Variants in KDM4C observed in about 807,000 individuals in gnomAD.
KDM4C encodes lysine-specific demethylase 4C.
A neutral mutation model predicts 129.3 loss-of-function variants in KDM4C; 81 were observed. The observed-to-expected ratio is 0.63, with a 90% confidence interval of 0.52 to 0.75. The LOEUF (loss-of-function observed/expected upper bound fraction) is 0.75. Among genes scored for constraint, KDM4C ranks in the 30% least tolerant of loss-of-function variants. The pLI, the probability that KDM4C is intolerant of heterozygous loss-of-function variation, is 0.00. For synonymous variants in KDM4C, 573 were observed against 456.1 expected, an observed-to-expected ratio of 1.26 and a Z score of -3.26; for missense variants, 1,457 against 1,304.0, an observed-to-expected ratio of 1.12 and a Z score of -1.81.
intron 17 of KDM4C, among the ~76,000 whole-genome samples, chr9:7,050,442 CAAA>C (rs71500910): frequency 2.6e-5 from 2 of 78,278 alleles, no homozygotes; most frequent in South Asian, 6.3e-4. Flanking sequence ...CCCAGATTAC[CAAA>C]AAAAAAAAAA....
intron 3 of KDM4C, among the ~76,000 whole-genome samples, chr9:6,807,808 C>A (rs1830331084): frequency 6.7e-6 from 1 of 148,906 alleles, no homozygotes; most frequent in Non-Finnish European, 1.5e-5. Flanking sequence ...GGGTCAGCCC[C>A]CCGCCCGGCC....
intron 8 of KDM4C, among the ~76,000 whole-genome samples, chr9:6,941,134 G>C (rs1426308873): frequency 6.6e-6 from 1 of 151,740 alleles, no homozygotes; most frequent in Non-Finnish European, 1.5e-5. Flanking sequence ...GGGTTCAAGC[G>C]ATTCTTGTGC....
At chr9:6,741,580 T>G (rs1314170403) in intron 1 of KDM4C, among the ~76,000 whole-genome samples, 1 of 152,120 alleles carries the variant, frequency 6.6e-6, no homozygotes, top group Non-Finnish European at 1.5e-5. Flanking sequence ...GGAGTTTTGT[T>G]TGCAACACAT....
At chr9:6,972,937 A>C (rs1182960848) in intron 8 of KDM4C, among the ~76,000 whole-genome samples, 2 of 152,152 alleles carry the variant, frequency 1.3e-5, no homozygotes, top group African/African-American at 4.8e-5. Context: ...ATTCGAGTTT[A>C]ATACATCTGT....
At chr9:6,871,238 T>G (rs1426960132) in intron 5 of KDM4C, among the ~76,000 whole-genome samples, 1 of 152,202 alleles carries the variant, frequency 6.6e-6, no homozygotes, top group Non-Finnish European at 1.5e-5. Context: ...AGAAAGTAGA[T>G]TTTCATAAGT....
chr9:6,768,918 G>C (rs764094628), intron 1 of KDM4C, among the ~76,000 whole-genome samples: 7 of 151,980 alleles, frequency 4.6e-5, no homozygotes, highest in Non-Finnish European at 1.0e-4. Context: ...GACTACAGGT[G>C]CCCATCACCA....
chr9:7,174,901 A>G lies in KDM4C; in HGVS notation c.*172A>G, dbSNP rs1845307289. The G allele has an allele frequency of 1.8e-6, 1 of 541,782 alleles. No homozygotes were observed. The highest frequency in any genetic ancestry group is 3.3e-6 in the Non-Finnish European group (1 of 301,808). The allele number at this position is 541,782 out of a possible 1,614,324, so 33.6% of individuals were successfully genotyped here. ...TCACCAAAAATACAAAATACACCCA[A>G]TGAATTGGACGCAGCAATCTGAAAT... On this transcript the variant is annotated 3_prime_UTR_variant, in exon 22 of 22. Transcript: ENST00000381309.
chr9:7,063,887 G>A (rs1832052433), intron 17 of KDM4C, among the ~76,000 whole-genome samples: 1 of 152,150 alleles, frequency 6.6e-6, no homozygotes, highest in African/African-American at 2.4e-5. Context: ...TTTCAGTAGA[G>A]CTGGAGCGTG....
At chr9:6,770,401 T>C (rs1821519904) in intron 1 of KDM4C, among the ~76,000 whole-genome samples, 1 of 152,312 alleles carries the variant, frequency 6.6e-6, no homozygotes, top group South Asian at 2.1e-4. Flanking sequence ...TATGGTTTCC[T>C]ATTTCATTTT....
chr9:7,105,610 C>T, intron 18 of KDM4C: 1 of 378,432 alleles, frequency 2.6e-6, no homozygotes, highest in Non-Finnish European at 5.4e-6. Flanking sequence ...AATGTAAATG[C>T]CTTTTTAGCT....
chr9:6,871,848 GA>G (rs1563734703), intron 5 of KDM4C, among the ~76,000 whole-genome samples: 1 of 152,130 alleles, frequency 6.6e-6, no homozygotes, highest in Non-Finnish European at 1.5e-5. Flanking sequence ...TAGAACTCAA[GA>G]CCTATCAAGA....
chr9:7,144,064 C>T (rs763962153), intron 19 of KDM4C, among the ~76,000 whole-genome samples: 6 of 151,660 alleles, frequency 4.0e-5, no homozygotes, highest in Non-Finnish European at 2.9e-5. Flanking sequence ...TCCTGAATTA[C>T]TTCATTTTTG....
intron 5 of KDM4C, among the ~76,000 whole-genome samples, chr9:6,850,505 G>A (rs1838644983): frequency 6.6e-6 from 1 of 151,980 alleles, no homozygotes. Flanking sequence ...GAGTGCAGTG[G>A]CGCGATCTTG....
chr9:7,101,878 A>T lies in KDM4C; in HGVS notation c.2425-1807A>T, dbSNP rs116216849. On this transcript the variant is annotated intron_variant, in intron 17 of 21. Transcript: ENST00000381309. The stretch of plus-strand genomic sequence containing the variant: ...TATGTTGTATAATTAGATTCTTGAA[A>T]GATTGAAAATGCCCGGGGCTCCTGA... 2.8e-3 allele frequency among the ~76,000 whole-genome samples: 419 copies of T among 152,336 alleles called. 4 individuals are homozygous for T. Among genetic ancestry groups the T allele is most frequent in the Admixed American group, 7.4e-3 (113 of 15,296 alleles).
intron 8 of KDM4C, among the ~76,000 whole-genome samples, chr9:6,949,185 C>A (rs1317898192): frequency 1.4e-5 from 2 of 147,726 alleles, no homozygotes; most frequent in African/African-American, 2.5e-5. Context: ...GGCTGCCGGG[C>A]GGAGGGGCTC....
intron 1 of KDM4C, among the ~76,000 whole-genome samples, chr9:6,787,062 A>G (rs1381424951): frequency 6.6e-6 from 1 of 152,252 alleles, no homozygotes; most frequent in African/African-American, 2.4e-5. Context: ...TCTGATTTGT[A>G]GGTAGAAATA....
At chr9:7,106,449 A>G (rs560701609) in intron 18 of KDM4C, among the ~76,000 whole-genome samples, 1 of 152,342 alleles carries the variant, frequency 6.6e-6, no homozygotes, top group East Asian at 1.9e-4. Flanking sequence ...AGCCTGGCCC[A>G]GTTGTTTTAC....
At chr9:7,007,183 G>A (rs1281563714) in intron 12 of KDM4C, among the ~76,000 whole-genome samples, 1 of 152,218 alleles carries the variant, frequency 6.6e-6, no homozygotes, top group East Asian at 1.9e-4. Flanking sequence ...ATACCTTGGT[G>A]CCTGGTATAC....
intron 5 of KDM4C, among the ~76,000 whole-genome samples, chr9:6,850,573 G>A (rs946653813): frequency 6.6e-6 from 1 of 151,762 alleles, no homozygotes; most frequent in Non-Finnish European, 1.5e-5. Flanking sequence ...AGCCACCCAA[G>A]TATCTGGGAT....
Sources: gnomAD v4.1 joint callset for allele counts (sites outside exome capture counted in the v4.1 genomes callset) on GRCh38, gnomAD v4.1.1 for gene constraint, MANE v1.5 for transcripts, NCBI Gene and HGNC (gene_info 2026-07-23, HGNC 2026-07-21) for gene names.